Variants in HERC2 observed in about 807,000 individuals in gnomAD.
HERC2 encodes HECT and RLD domain containing E3 ubiquitin protein ligase 2, also known as E3 ubiquitin-protein ligase HERC2.
In HERC2, 102 loss-of-function variants were observed where a neutral mutation model predicts 537.7. The ratio of observed to expected loss-of-function variants is 0.19; its 90% CI spans 0.16 to 0.22. The LOEUF is 0.22. HERC2 is among the 10% of genes least tolerant of loss of function. The probability of loss-of-function intolerance (pLI) is 1.00; values close to 1 mark genes in which losing one functional copy is unlikely to be tolerated. For missense variants in HERC2, 4,236 were observed against 6,198.2 expected (o/e 0.68, Z 10.63); for synonymous variants, 2,224 against 2,466.2 (o/e 0.90, Z 2.91).
In HERC2 at chr15:28,169,610, C is replaced by T. The variant is rs1310967021; in HGVS notation, c.10103G>A (p.Ser3368Asn). Residue 3368 changes from serine (S) to asparagine (N), a missense_variant, in exon 66 of 93, where the codon AGT (serine) becomes AAT (asparagine). By Grantham distance (46) the Ser-to-Asn change is conservative. Transcript: ENST00000261609. ...ATTTGGCTTAGAATTACTTGCACCA[C>T]TTATTTTATTACTGGCAGCAGAAGA... ...ADSSAASNKISGASNSKPNRP... is the reference protein window; with the variant it reads ...ADSSAASNKINGASNSKPNRP... 6.2e-7 allele frequency: 1 copy of T among 1,613,814 alleles called. No individual in the cohort carries two copies. The highest frequency in any genetic ancestry group is 1.1e-5 in the South Asian group (1 of 90,904).
At chr15:28,112,341 G>A (rs746767458) in intron 92 of HERC2, among the ~76,000 whole-genome samples, 4 of 152,252 alleles carry the variant, frequency 2.6e-5, no homozygotes, top group South Asian at 2.1e-4. Context: ...ACGTGACCAC[G>A]GGAGAGCTCT....
rs775861988 is a variant in HERC2 at position 28,233,553 on chromosome 15, C to T, written c.4360G>A (p.Ala1454Thr). 125 of 1,613,004 alleles carry T rather than the reference C, an allele frequency of 7.7e-5. No individual in the cohort carries two copies. Among genetic ancestry groups the T allele is most frequent in the Non-Finnish European group, 1.0e-4 (122 of 1,179,238 alleles). ...GCACCTGCATGAACTAAAGATAATG[C>T]CACATGACCTGTAAAAAGACATTTA... The part of the protein sequence containing the change: ...LLKHEDLGHV[A>T]LSLVHAGALG... Residue 1454 changes from alanine (A) to threonine (T), a missense_variant, in exon 29 of 93, where the codon GCA becomes ACA. Ala to Thr is a moderately conservative substitution (Grantham distance 58). Transcript: ENST00000261609.
chr15:28,309,989 G>C (rs1343232598), intron 2 of HERC2, among the ~76,000 whole-genome samples: 3 of 152,312 alleles, frequency 2.0e-5, no homozygotes, highest in Non-Finnish European at 4.4e-5. Context: ...CAGCTGGTGG[G>C]GGAGAGGTAA....
intron 88 of HERC2, among the ~76,000 whole-genome samples, chr15:28,115,925 TG>T (rs1383272533): frequency 1.2e-4 from 18 of 152,146 alleles, no homozygotes; most frequent in Non-Finnish European, 2.9e-5. Flanking sequence ...ACACCCTCAG[TG>T]GGACAGGAAG....
At position 28,168,410 on chromosome 15, in the gene HERC2, T is replaced by G; in HGVS notation, c.10410A>C (p.Arg3470Ser). Reference protein sequence around the residue: ...RLSPNPWQEKREIVSSEDAVT... With the variant: ...RLSPNPWQEKSEIVSSEDAVT... ...ATTGCTTTAGATTCGCTTTTACCTCTCTCTTTTCTTGCCATGGATTTGGAC... is the reference window on the plus strand; with the variant it reads ...ATTGCTTTAGATTCGCTTTTACCTCGCTCTTTTCTTGCCATGGATTTGGAC... Residue 3470 changes from arginine to serine, a missense_variant, in exon 67 of 93, where the codon AGA becomes AGC. Transcript: ENST00000261609. The G allele has an allele frequency of 6.2e-7, 1 of 1,613,514 alleles. No individual in the cohort carries two copies. Among genetic ancestry groups the G allele is most frequent in the Non-Finnish European group, 8.5e-7 (1 of 1,179,746 alleles).
At chr15:28,212,275 C>T (rs942644962) in intron 43 of HERC2, among the ~76,000 whole-genome samples, 170 bp downstream of exon 43, 1 of 152,158 alleles carries the variant, frequency 6.6e-6, no homozygotes, top group Non-Finnish European at 1.5e-5. Context: ...CTCGAAAATA[C>T]TCATTACCAC....
At chr15:28,250,837 T>G (rs2075052436) in intron 20 of HERC2, among the ~76,000 whole-genome samples, 1 of 152,206 alleles carries the variant, frequency 6.6e-6, no homozygotes. Context: ...TCCATGCTTA[T>G]GAAGACAGCC....
intron 2 of HERC2, among the ~76,000 whole-genome samples, chr15:28,319,961 T>C (rs1318583449): frequency 1.3e-5 from 2 of 152,162 alleles, no homozygotes; most frequent in Non-Finnish European, 2.9e-5. Flanking sequence ...ACCTCTCCCA[T>C]CCACTTAAAA....
At position 28,186,566 on chromosome 15, in the gene HERC2, A is replaced by G. The variant is rs1401912225; in HGVS notation, c.8825+11T>C. 1.2e-6 allele frequency: 2 copies of G among 1,610,440 alleles called. No homozygotes were observed. The highest frequency in any genetic ancestry group is 1.7e-6 in the Non-Finnish European group (2 of 1,177,556). On this transcript the variant is annotated intron_variant, in intron 56 of 92. Transcript: ENST00000261609. ...GGAGGTAAGTGAGCACCTGTAACAAATGGTTCTCACCTTCCGCTGTTGCCT... is the reference window on the plus strand; with the variant it reads ...GGAGGTAAGTGAGCACCTGTAACAAGTGGTTCTCACCTTCCGCTGTTGCCT...
At chr15:28,152,337 G>C (rs1892546549) in intron 70 of HERC2, among the ~76,000 whole-genome samples, 1 of 152,250 alleles carries the variant, frequency 6.6e-6, no homozygotes, top group Non-Finnish European at 1.5e-5. Flanking sequence ...ATGCAAGTCA[G>C]TGATGGATCA....
At chr15:28,251,643 T>C (rs2075087276) in intron 20 of HERC2, among the ~76,000 whole-genome samples, 1 of 151,288 alleles carries the variant, frequency 6.6e-6, no homozygotes, top group Non-Finnish European at 1.5e-5. Context: ...TCTACAAAAA[T>C]ACAAAAATCA....
chr15:28,245,593 ACACACACACAC>A, intron 23 of HERC2, among the ~76,000 whole-genome samples: 1 of 151,150 alleles, frequency 6.6e-6, no homozygotes, highest in East Asian at 1.9e-4. Flanking sequence ...ACACACACAC[ACACACACACAC>A]AGATATATAT....
At chr15:28,270,972 C>A in intron 9 of HERC2, 104 bp from the exon 10 acceptor site, 1 of 900,116 alleles carries the variant, frequency 1.1e-6, no homozygotes, top group Non-Finnish European at 1.7e-6. Context: ...ACTCATTTGA[C>A]CCATCAAATG....
At chr15:28,154,694 A>G (rs1892801839) in intron 69 of HERC2, among the ~76,000 whole-genome samples, 1 of 152,206 alleles carries the variant, frequency 6.6e-6, no homozygotes, top group African/African-American at 2.4e-5. Flanking sequence ...TCATCCATAT[A>G]TAAAGGTAAC....
intron 24 of HERC2, 130 bp downstream of exon 24, chr15:28,238,472 C>A: frequency 1.3e-6 from 1 of 754,438 alleles, no homozygotes; most frequent in Non-Finnish European, 2.2e-6. Flanking sequence ...AGACAGACAT[C>A]GAAGCCACAG....
At chr15:28,273,131 A>C (rs2075783723) in intron 7 of HERC2, 127 bp from the exon 8 acceptor site, 1 of 708,138 alleles carries the variant, frequency 1.4e-6, no homozygotes, top group East Asian at 2.7e-5. Flanking sequence ...TTTAGGATCA[A>C]GTTTCTGATA....
chr15:28,223,695 C>T (rs1057245160), intron 35 of HERC2, among the ~76,000 whole-genome samples: 1 of 152,142 alleles, frequency 6.6e-6, no homozygotes, highest in African/African-American at 2.4e-5. Flanking sequence ...TGTTTTCTGG[C>T]TGTTACATGT....
chr15:28,266,758 TGGA>T (rs1247952646), intron 12 of HERC2, among the ~76,000 whole-genome samples: 1 of 152,122 alleles, frequency 6.6e-6, no homozygotes, highest in Non-Finnish European at 1.5e-5. Context: ...TGTCAGGAAC[TGGA>T]GGTAGGAAGG....
intron 88 of HERC2, among the ~76,000 whole-genome samples, chr15:28,115,955 G>A (rs924309482): frequency 2.6e-5 from 4 of 152,182 alleles, no homozygotes; most frequent in South Asian, 2.1e-4. Context: ...GGCCAATGGC[G>A]AAGACCTCAC....
Sources: gnomAD v4.1 joint callset for allele counts (sites outside exome capture counted in the v4.1 genomes callset) on GRCh38, gnomAD v4.1.1 for gene constraint, MANE v1.5 for transcripts, NCBI Gene and HGNC (gene_info 2026-07-23, HGNC 2026-07-21) for gene names.